The following STXBP4 variants were observed in gnomAD, a reference collection of about 807,000 sequenced individuals.
The protein encoded by STXBP4 is syntaxin-binding protein 4.
Under a neutral mutation model 76.1 loss-of-function variants are expected in STXBP4, and 55 were observed. The observed-to-expected ratio is 0.72, with a 90% CI of 0.58 to 0.91. STXBP4 has a LOEUF of 0.91. STXBP4 is among the 40% of genes least tolerant of loss of function. The pLI is 0.00. For missense variants in STXBP4, 618 were observed against 636.9 expected, an observed-to-expected ratio of 0.97 and a Z score of 0.32; for synonymous variants, 201 against 220.2, an observed-to-expected ratio of 0.91 and a Z score of 0.77.
At chr17:55,147,451 T>C (rs1223136225) in intron 17 of STXBP4, among the ~76,000 whole-genome samples, 1 of 152,202 alleles carries the variant, frequency 6.6e-6, no homozygotes, top group Non-Finnish European at 1.5e-5. Context: ...ACAGGTCATG[T>C]ACCACTACGA....
At chr17:55,135,785 G>A (rs1323429275) in intron 16 of STXBP4, among the ~76,000 whole-genome samples, 1 of 151,986 alleles carries the variant, frequency 6.6e-6, no homozygotes, top group Non-Finnish European at 1.5e-5. Context: ...AAATAATAAT[G>A]CACAAATAAT....
chr17:55,097,391 C>A lies in STXBP4; in HGVS notation c.1489+16208C>A, dbSNP rs556039688. 5.5e-4 allele frequency among the ~76,000 whole-genome samples: 84 copies of A among 152,234 alleles called. 1 individual carries two copies. The highest frequency in any genetic ancestry group is 4.4e-3 in the South Asian group (21 of 4,820). On this transcript the variant is annotated intron_variant, in intron 16 of 17. Coordinates refer to ENST00000376352, the MANE Select transcript of STXBP4 (RefSeq NM_178509.6). ...AAAATTGCCTGTAGTTGACCGGGCG[C>A]GGTGGCTCATGCCTGTAATCCCAGC...
At chr17:55,193,664 A>G in the STXBP4 span, among the ~76,000 whole-genome samples, 7 of 151,992 alleles carry the variant, frequency 4.6e-5, no homozygotes, top group Admixed American at 1.3e-4. Flanking sequence ...ACAAAACAAA[A>G]CAAAAACCCC....
At chr17:55,201,693 C>G in the STXBP4 span, among the ~76,000 whole-genome samples, 1 of 152,188 alleles carries the variant, frequency 6.6e-6, no homozygotes, top group African/African-American at 2.4e-5. Context: ...ATGTTCACAG[C>G]AAAGACAGGG....
rs551292679 is a variant in STXBP4 at position 55,109,624 on chromosome 17, CT to C, written c.1489+28464del. ...TACCAAATGGCCACAAACTCAATGT[CT>C]TTTTTTTTTTTTTTTTTTTTTTATA... On this transcript the variant is annotated intron_variant, in intron 16 of 17. Transcript: ENST00000376352. Among the ~76,000 whole-genome samples, 513 of 114,368 alleles carry C rather than the reference CT, an allele frequency of 4.5e-3. 2 individuals are homozygous for C. The highest frequency in any genetic ancestry group is 0.014 in the South Asian group (47 of 3,378). The allele number at this position is 114,368 out of a possible 152,430, so 75.0% of individuals were successfully genotyped here. A position where few individuals can be genotyped will look rare whatever the true frequency, so the allele number is the denominator to read the frequency against.
intron 1 of STXBP4, among the ~76,000 whole-genome samples, chr17:54,974,437 G>A (rs970451449): frequency 6.6e-6 from 1 of 152,172 alleles, no homozygotes; most frequent in Admixed American, 6.5e-5. Flanking sequence ...TCTTTTTGAG[G>A]AACTACTCCG....
At chr17:55,152,101 G>A (rs769722012) in intron 17 of STXBP4, among the ~76,000 whole-genome samples, 29 of 152,258 alleles carry the variant, frequency 1.9e-4, no homozygotes, top group African/African-American at 5.5e-4. Context: ...AGATTGTTTT[G>A]TCTGATCCTC....
chr17:55,210,306 G>C, the STXBP4 span, among the ~76,000 whole-genome samples: 1 of 152,132 alleles, frequency 6.6e-6, no homozygotes, highest in African/African-American at 2.4e-5. Context: ...CTCATTTTTT[G>C]CTCTATTTTT....
intron 8 of STXBP4, among the ~76,000 whole-genome samples, chr17:55,012,467 C>T (rs2078132674): frequency 6.6e-6 from 1 of 152,084 alleles, no homozygotes; most frequent in Non-Finnish European, 1.5e-5. Flanking sequence ...TCTGATGACC[C>T]CAGCAGTGTA....
intron 16 of STXBP4, among the ~76,000 whole-genome samples, chr17:55,138,934 G>A (rs960490354): frequency 6.6e-6 from 1 of 151,936 alleles, no homozygotes; most frequent in African/African-American, 2.4e-5. Context: ...TTAGTCTCTA[G>A]GTCTGTCTTT....
At chr17:55,155,819 T>C (rs2145187080) in intron 17 of STXBP4, among the ~76,000 whole-genome samples, 1 of 152,320 alleles carries the variant, frequency 6.6e-6, no homozygotes, top group Admixed American at 6.5e-5. Context: ...AGGGTAATTA[T>C]AATGGGATTT....
At chr17:55,127,375 G>A (rs969620499) in intron 16 of STXBP4, among the ~76,000 whole-genome samples, 1 of 152,154 alleles carries the variant, frequency 6.6e-6, no homozygotes, top group African/African-American at 2.4e-5. Flanking sequence ...TTTTCAATTT[G>A]GAGCTAGTAT....
At chr17:55,141,900 C>G (rs572694863) in intron 17 of STXBP4, among the ~76,000 whole-genome samples, 1 of 152,144 alleles carries the variant, frequency 6.6e-6, no homozygotes, top group Non-Finnish European at 1.5e-5. Context: ...GAAAAACAGA[C>G]AGTAGATAAA....
intron 16 of STXBP4, among the ~76,000 whole-genome samples, chr17:55,101,427 G>C (rs1243276967): frequency 6.6e-6 from 1 of 152,108 alleles, no homozygotes; most frequent in East Asian, 1.9e-4. Flanking sequence ...CCAAACAGCA[G>C]CTGTTGTATT....
Position 55,105,459 on chromosome 17 carries a change from C to CTTTCT in STXBP4, c.1489+24285_1489+24289dup, listed in dbSNP as rs1459309658. Among the ~76,000 whole-genome samples the CTTTCT allele has an allele frequency of 2.8e-3, 358 of 128,200 alleles. 9 individuals are homozygous for CTTTCT. Among genetic ancestry groups the CTTTCT allele is most frequent in the East Asian group, 0.027 (107 of 3,990 alleles). The allele number at this position is 128,200 out of a possible 152,430, so 84.1% of individuals were successfully genotyped here. A position where few individuals can be genotyped will look rare whatever the true frequency, so the allele number is the denominator to read the frequency against. ...CAAGTGAATTTCTTAATCCTGAGTTCTTTCTTTTCTTTTTTTTTTTTTTTT... is the reference window on the plus strand; with the variant it reads ...CAAGTGAATTTCTTAATCCTGAGTTCTTTCTTTTCTTTTCTTTTTTTTTTTTTTTT... On this transcript the variant is annotated intron_variant, in intron 16 of 17. Transcript: ENST00000376352.
At chr17:55,130,699 G>A (rs1029176809) in intron 16 of STXBP4, among the ~76,000 whole-genome samples, 5 of 152,012 alleles carry the variant, frequency 3.3e-5, no homozygotes, top group Non-Finnish European at 5.9e-5. Context: ...CCTGCCTCTG[G>A]TAACAACTAT....
At chr17:54,999,030 C>A (rs2077862267) in intron 4 of STXBP4, among the ~76,000 whole-genome samples, 1 of 152,080 alleles carries the variant, frequency 6.6e-6, no homozygotes, top group African/African-American at 2.4e-5. Context: ...AGAGCTTTAT[C>A]AGCCCCATAG....
rs891647920 is a variant in STXBP4, at chr17:55,072,278, A to G, written c.1012-622A>G. ...TCTTTCTCTCAATATTGTTTTAAAGATTAAGTGAGAAAAGACACGTGATGC... is the reference window on the plus strand; with the variant it reads ...TCTTTCTCTCAATATTGTTTTAAAGGTTAAGTGAGAAAAGACACGTGATGC... On this transcript the variant is annotated intron_variant, in intron 12 of 17. Transcript: ENST00000376352. Among the ~76,000 whole-genome samples the G allele has an allele frequency of 3.3e-5, 5 of 152,320 alleles. No homozygotes were observed. In the South Asian group the frequency reaches 6.2e-4, roughly 19 times the overall value.
chr17:55,046,909 C>T (rs1280532099), intron 11 of STXBP4, among the ~76,000 whole-genome samples, 180 bp from the exon 12 acceptor site: 1 of 151,838 alleles, frequency 6.6e-6, no homozygotes. Flanking sequence ...TCACAATTTA[C>T]TGTAAATAAC....
Sources: gnomAD v4.1 joint callset for allele counts (sites outside exome capture counted in the v4.1 genomes callset) on GRCh38, gnomAD v4.1.1 for gene constraint, MANE v1.5 for transcripts, NCBI Gene and HGNC (gene_info 2026-07-23, HGNC 2026-07-21) for gene names.